GAREM2: variants seen among roughly 807,000 people sequenced by gnomAD.
GAREM2 encodes GRB2-associated and regulator of MAPK protein 2.
A neutral mutation model predicts 55.6 loss-of-function variants in GAREM2; 30 were observed. The ratio of observed to expected loss-of-function variants is 0.54; its 90% CI spans 0.40 to 0.73. The LOEUF (loss-of-function observed/expected upper bound fraction) is 0.73, where lower values mean the gene tolerates loss of function less well. GAREM2 is among the 30% of genes least tolerant of loss of function. GAREM2 has a pLI of 0.00. For synonymous variants in GAREM2, 550 were observed against 569.1 expected (o/e 0.97, Z 0.48); for missense variants, 1,075 against 1,257.7 (o/e 0.85, Z 2.20).
At chr2:26,203,938 A>G in the GAREM2 span, 7 of 955,048 alleles carry the variant, frequency 7.3e-6, no homozygotes, top group South Asian at 9.2e-5. Context: ...CATTATGTTC[A>G]GGAAAAAGGA....
intron 2 of GAREM2, chr2:26,180,824 G>A: frequency 1.5e-6 from 1 of 681,402 alleles, no homozygotes; most frequent in Non-Finnish European, 1.8e-6. Flanking sequence ...CACCATGTTG[G>A]CCAGGCTGGT....
In GAREM2 at chr2:26,174,178, G is replaced by T. The variant is rs187807062; in HGVS notation, c.112+846G>T. ...ATGAATGCTAATGGGGCCCGCGGCCGCAGGCTCCTCGTCTCCCCGTGGGGC... is the reference window on the plus strand; with the variant it reads ...ATGAATGCTAATGGGGCCCGCGGCCTCAGGCTCCTCGTCTCCCCGTGGGGC... On this transcript the variant is annotated intron_variant, in intron 1 of 5. Transcript: ENST00000401533. 9.5e-4 allele frequency among the ~76,000 whole-genome samples: 145 copies of T among 152,314 alleles called. 1 individual carries two copies. The highest frequency in any genetic ancestry group is 3.3e-3 in the African/African-American group (138 of 41,582).
In GAREM2 at chr2:26,188,072, G is replaced by A. The variant is rs951633197; in HGVS notation, c.2440G>A (p.Val814Ile). 5.2e-6 allele frequency: 8 copies of A among 1,547,282 alleles called. No homozygotes were observed. The highest frequency in any genetic ancestry group is 6.1e-6 in the Non-Finnish European group (7 of 1,144,384). ...CCTGTCTGCACTCTCCCTGGAGGAG[G>A]TCTCTCGCAGTCTGCGTTTCATCGG... Reference protein sequence around the residue: ...ADLSALSLEEVSRSLRFIGLS... With the variant: ...ADLSALSLEEISRSLRFIGLS... The change falls in exon 6 of 6, where the codon GTC (valine) becomes ATC (isoleucine). Residue 814 changes from valine (V) to isoleucine (I), a missense_variant. Val to Ile is a conservative substitution (Grantham distance 29). Around this residue, in one of 6 missense-constraint regions of GAREM2, gnomAD observed 142 missense variants for 172.3 expected, o/e 0.82. Transcript: ENST00000401533.
At chr2:26,183,888 G>A (rs1448821143) in intron 3 of GAREM2, among the ~76,000 whole-genome samples, 1 of 152,272 alleles carries the variant, frequency 6.6e-6, no homozygotes, top group Non-Finnish European at 1.5e-5. Flanking sequence ...AGACAATGAT[G>A]ATAAAAGTCG....
At chr2:26,203,436 T>C in the GAREM2 span, among the ~76,000 whole-genome samples, 2 of 152,180 alleles carry the variant, frequency 1.3e-5, no homozygotes, top group Non-Finnish European at 2.9e-5. Context: ...TGTGTGATGG[T>C]GAGAGAGGCA....
intron 5 of GAREM2, 58 bp from the exon 6 acceptor site, chr2:26,187,173 A>G: frequency 7.1e-7 from 1 of 1,409,016 alleles, no homozygotes. Flanking sequence ...GTGTGACCCT[A>G]TCGGATTCCC....
chr2:26,186,115 G>C, intron 4 of GAREM2, 74 bp from the exon 5 acceptor site: 2 of 1,394,132 alleles, frequency 1.4e-6, no homozygotes. Context: ...CCCTCGCCCA[G>C]CTGCTTGGGA....
chr2:26,184,106 A>G, intron 3 of GAREM2, 127 bp from the exon 4 acceptor site: 5 of 1,394,942 alleles, frequency 3.6e-6, no homozygotes, highest in Non-Finnish European at 4.8e-6. Flanking sequence ...CTCCTGGCCT[A>G]CCATCTAGTC....
At chr2:26,178,034 T>C (rs1320381759) in intron 2 of GAREM2, among the ~76,000 whole-genome samples, 1 of 152,162 alleles carries the variant, frequency 6.6e-6, no homozygotes, top group Non-Finnish European at 1.5e-5. Context: ...CCTCTGGCCC[T>C]GGGTCTCCCT....
chr2:26,195,634 G>A, the GAREM2 span, among the ~76,000 whole-genome samples: 2 of 152,196 alleles, frequency 1.3e-5, no homozygotes, highest in East Asian at 3.9e-4. Flanking sequence ...AATGTGTTGG[G>A]CTGTCAGAGA....
Position 26,185,032 on chromosome 2 carries a change from G to GCCCGCTAGCGCCGGCT in GAREM2, c.1190_1205dup (p.Gly403SerfsTer170). Reference sequence around the variant, plus strand: ...GCCCCCGGGCTCGCCCGCGCCCCCGGCCCGCTAGCGCCGGCTCCCGCCGGC... The same window carrying GCCCGCTAGCGCCGGCT: ...GCCCCCGGGCTCGCCCGCGCCCCCGGCCCGCTAGCGCCGGCTCCCGCTAGCGCCGGCTCCCGCCGGC... On this transcript the variant is annotated frameshift_variant, in exon 4 of 6. Transcript: ENST00000401533. LOFTEE classifies it high-confidence loss of function. The GCCCGCTAGCGCCGGCT allele has an allele frequency of 8.6e-7, 1 of 1,157,986 alleles. No homozygotes were observed. The highest frequency in any genetic ancestry group is 3.9e-5 in the South Asian group (1 of 25,906). 71.7% of individuals were successfully genotyped at this position (1,157,986 alleles called of 1,614,324 possible).
chr2:26,193,538 A>C (rs1357590296), downstream of GAREM2: 2 of 1,508,454 alleles, frequency 1.3e-6, no homozygotes, highest in African/African-American at 2.7e-5. Context: ...AGAACTTTGT[A>C]ACTAATGGTG....
chr2:26,173,192 CG>C lies in GAREM2; in HGVS notation c.-26del. 9.4e-7 allele frequency: 1 copy of C among 1,065,706 alleles called. No homozygotes were observed. The highest frequency in any genetic ancestry group is 2.8e-5 in the South Asian group (1 of 35,304). 66.0% of individuals were successfully genotyped at this position (1,065,706 alleles called of 1,614,324 possible). A position where few individuals can be genotyped will look rare whatever the true frequency, so the allele number is the denominator to read the frequency against. ...CGCGCGGGACTGACCGTCGGGGCCC[CG>C]GGACGGCGGCCCCGGGGCGCCCATG... On this transcript the variant is annotated 5_prime_UTR_variant, in exon 1 of 6. Coordinates refer to ENST00000401533, the MANE Select transcript of GAREM2 (RefSeq NM_001168241.2).
At chr2:26,195,282 C>G in the GAREM2 span, 4 of 1,517,542 alleles carry the variant, frequency 2.6e-6, no homozygotes, top group Non-Finnish European at 3.7e-6. Context: ...GGGTGAGGAA[C>G]CTGAGAGCAT....
Position 26,188,221 on chromosome 2 carries a change from C to G in GAREM2, c.2589C>G (p.Ile863Met), listed in dbSNP as rs544678629. 1 of 1,506,740 alleles carries G rather than the reference C, an allele frequency of 6.6e-7. No individual in the cohort carries two copies. Among genetic ancestry groups the G allele is most frequent in the South Asian group, 1.3e-5 (1 of 77,974 alleles). The allele number at this position is 1,506,740 out of a possible 1,614,324, so 93.3% of individuals were successfully genotyped here. A position where few individuals can be genotyped will look rare whatever the true frequency, so the allele number is the denominator to read the frequency against. Residue 863 changes from isoleucine (I) to methionine (M), a missense_variant, in exon 6 of 6, where the codon ATC becomes ATG. Around this residue, in one of 6 missense-constraint regions of GAREM2, gnomAD observed 142 missense variants for 172.3 expected, o/e 0.82. Coordinates refer to ENST00000401533, the MANE Select transcript of GAREM2 (RefSeq NM_001168241.2). Reference sequence around the variant, plus strand: ...TCACCAAGCTGCAGGTCAAGAAGATCATGCAGTTCATCAAAGGCTGGAGGC... The same window carrying G: ...TCACCAAGCTGCAGGTCAAGAAGATGATGCAGTTCATCAAAGGCTGGAGGC... ...FHLTKLQVKK[I>M]MQFIKGWRPK...
chr2:26,182,499 G>A, intron 2 of GAREM2: 1 of 1,550,078 alleles, frequency 6.5e-7, no homozygotes, highest in Non-Finnish European at 8.7e-7. Flanking sequence ...TCCAGGTAGG[G>A]CCCATGATCA....
At position 26,176,364 on chromosome 2, in the gene GAREM2, A is replaced by G; in HGVS notation, c.133A>G (p.Ser45Gly). ...LGPGEYAEGV[S>G]ERDILLIHSC... ...CCCAGGGGAGTACGCCGAGGGCGTC[A>G]GTGAGCGAGACATCCTGCTCATCCA... The change falls in exon 2 of 6, where the codon AGT (serine) becomes GGT (glycine). Residue 45 changes from serine (S) to glycine (G), a missense_variant. By Grantham distance (56) the Ser-to-Gly change is moderately conservative (BLOSUM62 0). This residue lies in a region of GAREM2 where 230 missense variants were observed against 310.6 expected (regional missense o/e 0.74). Coordinates refer to ENST00000401533, the MANE Select transcript of GAREM2 (RefSeq NM_001168241.2). 6.5e-7 allele frequency: 1 copy of G among 1,547,226 alleles called. No individual in the cohort carries two copies. The highest frequency in any genetic ancestry group is 8.7e-7 in the Non-Finnish European group (1 of 1,144,496).
At chr2:26,202,032 C>T in the GAREM2 span, among the ~76,000 whole-genome samples, 1 of 151,250 alleles carries the variant, frequency 6.6e-6, no homozygotes, top group Admixed American at 6.6e-5. Context: ...AACTCCTGAC[C>T]TCGTGTTCCA....
Position 26,187,388 on chromosome 2 carries a change from G to A in GAREM2, c.1756G>A (p.Ala586Thr). Residue 586 changes from alanine (A) to threonine (T), a missense_variant, in exon 6 of 6, where the codon GCC (alanine) becomes ACC (threonine). Ala to Thr is a moderately conservative substitution (Grantham distance 58). Around this residue, in one of 6 missense-constraint regions of GAREM2, gnomAD observed 515 missense variants for 501.5 expected, o/e 1.03. Coordinates refer to ENST00000401533, the MANE Select transcript of GAREM2 (RefSeq NM_001168241.2). ...STTQPSQASR[A>T]LTEPLSGRAA... ...CACACAGCCCAGCCAGGCCTCCCGGGCCCTCACAGAGCCTCTGAGCGGTCG... is the reference window on the plus strand; with the variant it reads ...CACACAGCCCAGCCAGGCCTCCCGGACCCTCACAGAGCCTCTGAGCGGTCG... The A allele has an allele frequency of 1.3e-6, 2 of 1,546,888 alleles. No homozygotes were observed. The highest frequency in any genetic ancestry group is 1.7e-6 in the Non-Finnish European group (2 of 1,144,786).
Sources: gnomAD v4.1 joint callset for allele counts (sites outside exome capture counted in the v4.1 genomes callset) on GRCh38, gnomAD v4.1.1 for gene constraint, gnomAD v4.1.1 regional missense constraint, MANE v1.5 for transcripts, NCBI Gene and HGNC (gene_info 2026-07-23, HGNC 2026-07-21) for gene names.